PDE6D: variants seen among roughly 807,000 people sequenced by gnomAD.
PDE6D encodes phosphodiesterase 6D.
PDE6D carries 10 observed loss-of-function variants against 21.9 expected under a neutral mutation model. That is an observed-to-expected ratio of 0.46 (90% CI 0.28 to 0.78). The LOEUF is 0.78. Ranked by LOEUF, PDE6D falls within the 30% of genes least tolerant of loss-of-function variation. PDE6D has a pLI of 0.12. For synonymous variants in PDE6D, 59 were observed against 63.5 expected (o/e 0.93, Z 0.34); for missense variants, 139 against 184.8 (o/e 0.75, Z 1.44).
chr2:231,752,913 A>C (rs2048853217), intron 1 of PDE6D, among the ~76,000 whole-genome samples: 1 of 144,072 alleles, frequency 6.9e-6, no homozygotes. Flanking sequence ...AGCTCACTGC[A>C]AGCTTCGCCT....
intron 4 of PDE6D, among the ~76,000 whole-genome samples, chr2:231,735,566 G>A (rs577900757): frequency 6.6e-6 from 1 of 151,532 alleles, no homozygotes; most frequent in East Asian, 2.0e-4. Flanking sequence ...CCAAAGTGCT[G>A]GGATTACAGG....
chr2:231,741,380 T>A (rs2048748935), intron 1 of PDE6D, among the ~76,000 whole-genome samples: 1 of 152,056 alleles, frequency 6.6e-6, no homozygotes, highest in Non-Finnish European at 1.5e-5. Context: ...TTTGCTTTCT[T>A]AAGAAACTAA....
chr2:231,767,361 G>T (rs1017502102), intron 1 of PDE6D, among the ~76,000 whole-genome samples: 2 of 151,918 alleles, frequency 1.3e-5, no homozygotes, highest in African/African-American at 4.8e-5. Context: ...CGTTGCCAAG[G>T]CTGGAGTGCA....
rs77191755 is a variant in PDE6D at position 231,750,483 on chromosome 2, T to A, written c.51-11295A>T. ...ATATGTCTATTTCATCCATATCACT[T>A]TTTTTTTTTTTTTTTTTTAGACAGA... On this transcript the variant is annotated intron_variant, in intron 1 of 4. Coordinates refer to ENST00000287600, the MANE Select transcript of PDE6D (RefSeq NM_002601.4). 6.2e-3 allele frequency among the ~76,000 whole-genome samples: 885 copies of A among 143,546 alleles called. 11 individuals are homozygous for A. The highest frequency in any genetic ancestry group is 0.021 in the African/African-American group (811 of 39,096). The allele number at this position is 143,546 out of a possible 152,430, so 94.2% of individuals were successfully genotyped here.
chr2:231,776,236 G>A (rs1180383713), intron 1 of PDE6D, among the ~76,000 whole-genome samples: 4 of 149,488 alleles, frequency 2.7e-5, no homozygotes, highest in African/African-American at 9.8e-5. Flanking sequence ...CAGGAGAATC[G>A]CTTGAACTCC....
chr2:231,772,992 C>T (rs1402757114), intron 1 of PDE6D, among the ~76,000 whole-genome samples: 1 of 152,178 alleles, frequency 6.6e-6, no homozygotes, highest in Non-Finnish European at 1.5e-5. Flanking sequence ...AATCCTAGCA[C>T]TTTGGGAAGC....
chr2:231,758,303 T>G (rs1409831073), intron 1 of PDE6D, among the ~76,000 whole-genome samples: 1 of 151,292 alleles, frequency 6.6e-6, no homozygotes, highest in African/African-American at 2.5e-5. Context: ...AGCTAATTTT[T>G]TTTTTGTTTT....
At chr2:231,769,563 T>TAC (rs1302615950) in intron 1 of PDE6D, among the ~76,000 whole-genome samples, 3 of 151,762 alleles carry the variant, frequency 2.0e-5, no homozygotes, top group Admixed American at 2.0e-4. Flanking sequence ...TATATATATA[T>TAC]ACACATACAC....
At chr2:231,750,058 T>C (rs911660300) in intron 1 of PDE6D, among the ~76,000 whole-genome samples, 2 of 152,076 alleles carry the variant, frequency 1.3e-5, no homozygotes, top group East Asian at 1.9e-4. Flanking sequence ...GGGGAGGTAA[T>C]TGAATCATGG....
chr2:231,747,644 C>T (rs2048804978), intron 1 of PDE6D, among the ~76,000 whole-genome samples: 1 of 152,176 alleles, frequency 6.6e-6, no homozygotes, highest in Admixed American at 6.5e-5. Flanking sequence ...AGATGTCAAT[C>T]CCTGGCTTTC....
At chr2:231,748,741 C>T (rs1454164112) in intron 1 of PDE6D, among the ~76,000 whole-genome samples, 1 of 152,186 alleles carries the variant, frequency 6.6e-6, no homozygotes, top group African/African-American at 2.4e-5. Flanking sequence ...ATGCTGTGTG[C>T]AGCCACTTGG....
At chr2:231,741,290 G>T (rs961780171) in intron 1 of PDE6D, among the ~76,000 whole-genome samples, 2 of 151,980 alleles carry the variant, frequency 1.3e-5, no homozygotes, top group Non-Finnish European at 2.9e-5. Context: ...AATTCAAAAG[G>T]AACCCTGGAG....
chr2:231,765,498 T>C (rs1294606067), intron 1 of PDE6D, among the ~76,000 whole-genome samples: 1 of 152,160 alleles, frequency 6.6e-6, no homozygotes, highest in African/African-American at 2.4e-5. Context: ...TCATAAATTA[T>C]ATATGGGCAT....
chr2:231,768,337 A>C (rs909604875), intron 1 of PDE6D, among the ~76,000 whole-genome samples: 2 of 152,250 alleles, frequency 1.3e-5, no homozygotes, highest in Admixed American at 1.3e-4. Context: ...ACTGTCATAA[A>C]GATTAAACTG....
intron 1 of PDE6D, among the ~76,000 whole-genome samples, chr2:231,743,612 A>G (rs2048768595): frequency 6.6e-6 from 1 of 151,746 alleles, no homozygotes; most frequent in South Asian, 2.1e-4. Context: ...AGGGTGTGCA[A>G]TTCCTAACAA....
At chr2:231,749,319 G>A (rs1314044720) in intron 1 of PDE6D, among the ~76,000 whole-genome samples, 1 of 152,082 alleles carries the variant, frequency 6.6e-6, no homozygotes, top group African/African-American at 2.4e-5. Flanking sequence ...CTGCTCCGCT[G>A]GATTTTGGAC....
At position 231,739,058 on chromosome 2, in the gene PDE6D, G is replaced by C; in HGVS notation, c.139+42C>G. 7.8e-7 allele frequency: 1 copy of C among 1,276,280 alleles called. No individual in the cohort carries two copies. The highest frequency in any genetic ancestry group is 1.1e-6 in the Non-Finnish European group (1 of 873,838). 79.1% of individuals were successfully genotyped at this position (1,276,280 alleles called of 1,614,324 possible). A position where few individuals can be genotyped will look rare whatever the true frequency, so the allele number is the denominator to read the frequency against. On this transcript the variant is annotated intron_variant, in intron 2 of 4. Transcript: ENST00000287600. The surrounding 1 kb of genome is among the most constrained non-coding windows in gnomAD (Gnocchi z 4.2). ...TCTCTTATGCTCAGGTGCTAGTCTGGCATTGGTCACAGCCCTGTGTAGATA... is the reference window on the plus strand; with the variant it reads ...TCTCTTATGCTCAGGTGCTAGTCTGCCATTGGTCACAGCCCTGTGTAGATA...
chr2:231,753,550 C>A (rs1015459418), intron 1 of PDE6D, among the ~76,000 whole-genome samples: 14 of 145,394 alleles, frequency 9.6e-5, no homozygotes, highest in African/African-American at 3.3e-4. Flanking sequence ...GACCCTGTCT[C>A]AAAAAAAATA....
chr2:231,768,033 G>A (rs937791320), intron 1 of PDE6D, among the ~76,000 whole-genome samples: 8 of 151,584 alleles, frequency 5.3e-5, no homozygotes, highest in Admixed American at 4.6e-4. Context: ...TTTGGTAGAG[G>A]CAGGGTTTCA....
Sources: allele counts gnomAD v4.1 joint callset (sites outside exome capture counted in the v4.1 genomes callset), GRCh38; gene constraint gnomAD v4.1.1; non-coding constraint Gnocchi (gnomAD v3.1); transcripts MANE v1.5; gene names NCBI Gene and HGNC (gene_info 2026-07-23, HGNC 2026-07-21).